The following NCALD variants were observed in gnomAD, a reference collection of about 807,000 sequenced individuals.
The protein encoded by NCALD is neurocalcin delta, also known as neurocalcin-delta.
A neutral mutation model predicts 18.6 loss-of-function variants in NCALD; 10 were observed. That is an observed-to-expected ratio of 0.54 (90% confidence interval 0.33 to 0.91). The LOEUF (loss-of-function observed/expected upper bound fraction) is 0.91, where lower values mean the gene tolerates loss of function less well. Ranked by LOEUF, NCALD falls within the 40% of genes least tolerant of loss-of-function variation. The pLI, the probability that NCALD is intolerant of heterozygous loss-of-function variation, is 0.03. For missense variants in NCALD, 184 were observed against 247.6 expected, an observed-to-expected ratio of 0.74 and a Z score of 1.72; for synonymous variants, 88 against 87.4, an observed-to-expected ratio of 1.01 and a Z score of -0.04.
intron 1 of NCALD, 116 bp downstream of exon 1, chr8:101,790,746 C>T (rs1199589400): frequency 6.6e-6 from 1 of 152,162 alleles, no homozygotes; most frequent in African/African-American, 2.4e-5. Flanking sequence ...TCACATTTTC[C>T]CCTTGGTACA....
At chr8:101,924,894 G>C (rs1229950255) in intron 2 of NCALD, among the ~76,000 whole-genome samples, 2 of 152,102 alleles carry the variant, frequency 1.3e-5, no homozygotes, top group Admixed American at 1.3e-4. Flanking sequence ...AGATTTAAGA[G>C]GATTCAGGCT....
intron 1 of NCALD, among the ~76,000 whole-genome samples, chr8:102,068,298 G>A (rs1006046469): frequency 3.9e-5 from 6 of 152,040 alleles, no homozygotes; most frequent in Non-Finnish European, 7.4e-5. Flanking sequence ...CTCCCTCCAC[G>A]GCCTACTCTG....
chr8:101,849,561 C>A (rs1218760098), intron 4 of NCALD, among the ~76,000 whole-genome samples: 1 of 152,028 alleles, frequency 6.6e-6, no homozygotes, highest in East Asian at 1.9e-4. Context: ...TTTCCCTGCC[C>A]ATTTTTCCGA....
intron 1 of NCALD, among the ~76,000 whole-genome samples, chr8:102,108,269 GA>G (rs1413459539): frequency 3.9e-5 from 6 of 152,216 alleles, no homozygotes; most frequent in Non-Finnish European, 8.8e-5. Context: ...GCCAAGGGGG[GA>G]AAAATACTCT....
At chr8:102,101,231 C>T (rs1446065761) in intron 1 of NCALD, among the ~76,000 whole-genome samples, 1 of 152,240 alleles carries the variant, frequency 6.6e-6, no homozygotes. Flanking sequence ...TCTCCAATTG[C>T]TGTCAGGCAG....
chr8:101,798,929 G>A (rs1439222970), intron 4 of NCALD, among the ~76,000 whole-genome samples: 1 of 152,086 alleles, frequency 6.6e-6, no homozygotes, highest in Non-Finnish European at 1.5e-5. Flanking sequence ...TCAACATATG[G>A]TACTGGAACA....
intron 1 of NCALD, among the ~76,000 whole-genome samples, chr8:102,106,445 G>GTATATA (rs369201039): frequency 0.038 from 4,986 of 132,360 alleles, 258 homozygotes; most frequent in African/African-American, 0.12. Context: ...TTAGCATATA[G>GTATATA]TATATATATA....
intron 2 of NCALD, among the ~76,000 whole-genome samples, chr8:101,938,528 A>C (rs955908607): frequency 6.6e-6 from 1 of 152,226 alleles, no homozygotes; most frequent in Non-Finnish European, 1.5e-5. Flanking sequence ...TACAGTTTTC[A>C]GATCACATAT....
chr8:102,002,465 C>A (rs542975058), intron 2 of NCALD, among the ~76,000 whole-genome samples: 2 of 152,248 alleles, frequency 1.3e-5, no homozygotes, highest in Admixed American at 6.5e-5. Context: ...TTAGACAGAT[C>A]AATGAGACAG....
At chr8:101,832,537 T>C (rs1438048355) in intron 4 of NCALD, among the ~76,000 whole-genome samples, 1 of 152,258 alleles carries the variant, frequency 6.6e-6, no homozygotes, top group Non-Finnish European at 1.5e-5. Flanking sequence ...CATGGCTGAC[T>C]AATTCTGTTG....
At chr8:101,755,468 T>C (rs1172143661) in intron 1 of NCALD, among the ~76,000 whole-genome samples, 2 of 152,220 alleles carry the variant, frequency 1.3e-5, no homozygotes, top group African/African-American at 2.4e-5. Context: ...TCAGGGTTCA[T>C]GATCAATGCT....
chr8:101,769,888 C>G (rs1173519055), intron 1 of NCALD, among the ~76,000 whole-genome samples: 1 of 152,186 alleles, frequency 6.6e-6, no homozygotes, highest in African/African-American at 2.4e-5. Flanking sequence ...TCTCAGGACT[C>G]TGGATCAATG....
intron 1 of NCALD, among the ~76,000 whole-genome samples, chr8:102,055,138 G>A (rs1335305034): frequency 6.6e-6 from 1 of 151,904 alleles, no homozygotes; most frequent in Non-Finnish European, 1.5e-5. Context: ...AATCTGCTGA[G>A]TGGACCAAAA....
intron 2 of NCALD, among the ~76,000 whole-genome samples, chr8:101,696,837 T>G (rs997684914): frequency 6.6e-6 from 1 of 151,860 alleles, no homozygotes; most frequent in African/African-American, 2.4e-5. Flanking sequence ...AATGCCCACA[T>G]CAGAAAGCTA....
At chr8:101,945,505 T>C (rs1819133502) in intron 2 of NCALD, among the ~76,000 whole-genome samples, 1 of 152,220 alleles carries the variant, frequency 6.6e-6, no homozygotes, top group Non-Finnish European at 1.5e-5. Context: ...CTCTATTTAA[T>C]GACTGGAGTT....
At chr8:102,088,560 A>C (rs1003476232) in intron 1 of NCALD, among the ~76,000 whole-genome samples, 2 of 152,074 alleles carry the variant, frequency 1.3e-5, no homozygotes, top group African/African-American at 4.8e-5. Context: ...TCGGGGAAAA[A>C]AAAAAAAAAG....
At chr8:101,821,434 T>TA (rs1407492763) in intron 4 of NCALD, among the ~76,000 whole-genome samples, 2 of 152,188 alleles carry the variant, frequency 1.3e-5, no homozygotes, top group African/African-American at 2.4e-5. Context: ...GAAAAAGTAG[T>TA]AACTTTCTCA....
intron 1 of NCALD, among the ~76,000 whole-genome samples, chr8:102,086,664 T>G (rs575956306): frequency 1.3e-5 from 2 of 152,300 alleles, no homozygotes; most frequent in Non-Finnish European, 2.9e-5. Context: ...TTTCTCATGC[T>G]CCCACACCTC....
chr8:101,769,674 C>T (rs1195115960), intron 1 of NCALD, among the ~76,000 whole-genome samples: 1 of 151,754 alleles, frequency 6.6e-6, no homozygotes, highest in Non-Finnish European at 1.5e-5. Flanking sequence ...CCAACACTTA[C>T]CTGCAACGGC....
Sources: allele counts gnomAD v4.1 joint callset (sites outside exome capture counted in the v4.1 genomes callset), GRCh38; gene constraint gnomAD v4.1.1; transcripts MANE v1.5; gene names NCBI Gene and HGNC (gene_info 2026-07-23, HGNC 2026-07-21).